The following DSCAM variants were observed in gnomAD, a reference collection of about 807,000 sequenced individuals.
DSCAM encodes the protein cell adhesion molecule DSCAM.
Under a neutral mutation model 217.7 loss-of-function variants are expected in DSCAM, and 47 were observed. The observed-to-expected ratio is 0.22, with a 90% CI of 0.17 to 0.28. The LOEUF (loss-of-function observed/expected upper bound fraction) is 0.28. Among genes scored for constraint, DSCAM ranks in the 10% least tolerant of loss-of-function variants. The pLI is 1.00. For synonymous variants in DSCAM, 1,056 were observed against 1,015.3 expected, an observed-to-expected ratio of 1.04 and a Z score of -0.76; for missense variants, 2,080 against 2,618.3, an observed-to-expected ratio of 0.79 and a Z score of 4.49.
At chr21:40,558,028 CT>C (rs1762372107) in intron 3 of DSCAM, among the ~76,000 whole-genome samples, 1 of 141,110 alleles carries the variant, frequency 7.1e-6, no homozygotes, top group Admixed American at 7.6e-5. Context: ...TTCAAAAGAC[CT>C]TGTATATTTG....
intron 8 of DSCAM, among the ~76,000 whole-genome samples, chr21:40,323,104 G>C (rs1281158267): frequency 6.6e-6 from 1 of 152,098 alleles, no homozygotes; most frequent in Non-Finnish European, 1.5e-5. Context: ...CCCAAACTCA[G>C]GACAACCCTG....
intron 10 of DSCAM, among the ~76,000 whole-genome samples, chr21:40,291,752 T>C (rs564599636): frequency 2.0e-5 from 3 of 152,286 alleles, no homozygotes; most frequent in Admixed American, 6.5e-5. Context: ...CTACTCCCCA[T>C]TGTCCTCCAG....
chr21:40,836,570 A>G (rs1341429091), intron 1 of DSCAM, among the ~76,000 whole-genome samples: 2 of 152,112 alleles, frequency 1.3e-5, no homozygotes, highest in Admixed American at 6.5e-5. Context: ...ATAAATTACT[A>G]CCCAATACAG....
At chr21:40,723,279 C>T in intron 1 of DSCAM, among the ~76,000 whole-genome samples, 1 of 152,020 alleles carries the variant, frequency 6.6e-6, no homozygotes, top group East Asian at 1.9e-4. Context: ...GTCCCCAATC[C>T]CCTTCCAACT....
intron 3 of DSCAM, among the ~76,000 whole-genome samples, chr21:40,460,206 T>C (rs2075795426): frequency 6.6e-6 from 1 of 152,192 alleles, no homozygotes; most frequent in Admixed American, 6.5e-5. Flanking sequence ...GGTTGATAGG[T>C]GCAGCAAACC....
At position 40,075,162 on chromosome 21, in the gene DSCAM, G is replaced by T. The variant is rs145500496; in HGVS notation, c.4763C>A (p.Thr1588Lys). Reference sequence around the variant, plus strand: ...CAGCATCTTGAGCCCCTCGTTGGTCGTCAGCCCTTCTTCGTTTTGGACAAC... The same window carrying T: ...CAGCATCTTGAGCCCCTCGTTGGTCTTCAGCCCTTCTTCGTTTTGGACAAC... ...KSVVQNEEGL[T>K]TNEGLKMLVT... Residue 1588 changes from threonine to lysine, a missense_variant, in exon 27 of 33, where the codon ACG (threonine) becomes AAG (lysine). Transcript: ENST00000400454. The T allele has an allele frequency of 1.4e-5, 23 of 1,614,196 alleles. No homozygotes were observed. The highest frequency in any genetic ancestry group is 1.9e-5 in the Non-Finnish European group (23 of 1,180,024).
At chr21:40,780,423 G>GTGTGTGTGTGTATATATATATA (rs1007015659) in intron 1 of DSCAM, among the ~76,000 whole-genome samples, 2 of 56,418 alleles carry the variant, frequency 3.5e-5, no homozygotes, top group African/African-American at 1.5e-4. Flanking sequence ...GTGTGTGTGT[G>GTGTGTGTGTGTATATATATATA]TATATATATA....
chr21:40,196,087 G>A (rs1395304976), intron 11 of DSCAM, among the ~76,000 whole-genome samples: 1 of 152,236 alleles, frequency 6.6e-6, no homozygotes, highest in Non-Finnish European at 1.5e-5. Context: ...CCTGGATTCT[G>A]CAGCTCAGGG....
intron 3 of DSCAM, among the ~76,000 whole-genome samples, chr21:40,578,298 G>A (rs1295723826): frequency 6.6e-6 from 1 of 152,194 alleles, no homozygotes; most frequent in Non-Finnish European, 1.5e-5. Flanking sequence ...AGTCAGTTGG[G>A]CTTCTGGGTA....
At chr21:40,804,433 G>C (rs2091768653) in intron 1 of DSCAM, among the ~76,000 whole-genome samples, 1 of 152,040 alleles carries the variant, frequency 6.6e-6, no homozygotes, top group Non-Finnish European at 1.5e-5. Context: ...CACTGACTCT[G>C]GTCATCATTT....
intron 9 of DSCAM, among the ~76,000 whole-genome samples, chr21:40,303,424 A>C (rs962364238): frequency 6.6e-6 from 1 of 151,994 alleles, no homozygotes. Context: ...CTGCTCAAAG[A>C]TCTCTCCAGA....
At chr21:40,579,041 T>G (rs1004841304) in intron 3 of DSCAM, among the ~76,000 whole-genome samples, 1 of 152,162 alleles carries the variant, frequency 6.6e-6, no homozygotes, top group Non-Finnish European at 1.5e-5. Flanking sequence ...AGATGCACAT[T>G]AGCACATTTG....
chr21:40,094,735 C>G (rs973722428), intron 20 of DSCAM, among the ~76,000 whole-genome samples: 24 of 152,170 alleles, frequency 1.6e-4, no homozygotes, highest in Admixed American at 9.2e-4. Flanking sequence ...GAATACCACT[C>G]CAGTCTTTCC....
intron 3 of DSCAM, among the ~76,000 whole-genome samples, chr21:40,483,293 C>T (rs929490026): frequency 2.6e-5 from 4 of 152,150 alleles, no homozygotes; most frequent in East Asian, 1.9e-4. Flanking sequence ...CATTTCATGT[C>T]GAATCTATTT....
intron 3 of DSCAM, among the ~76,000 whole-genome samples, chr21:40,429,104 C>T (rs1339708146): frequency 6.6e-6 from 1 of 151,984 alleles, no homozygotes; most frequent in East Asian, 1.9e-4. Context: ...AAGTTGTATC[C>T]AAATTTTCAA....
intron 4 of DSCAM, among the ~76,000 whole-genome samples, chr21:40,357,159 TAA>T (rs1160197738): frequency 6.6e-6 from 1 of 152,150 alleles, no homozygotes; most frequent in Non-Finnish European, 1.5e-5. Context: ...AAGAGAGATA[TAA>T]AAGTTTCACA....
At chr21:40,512,552 G>C (rs2076267904) in intron 3 of DSCAM, among the ~76,000 whole-genome samples, 1 of 152,118 alleles carries the variant, frequency 6.6e-6, no homozygotes, top group African/African-American at 2.4e-5. Context: ...GCATTGTTCT[G>C]TCTCCATCTA....
chr21:40,423,687 C>T (rs1208255851), intron 3 of DSCAM, among the ~76,000 whole-genome samples: 1 of 152,110 alleles, frequency 6.6e-6, no homozygotes, highest in African/African-American at 2.4e-5. Context: ...ACCCCTTGGT[C>T]GAATTCTTTC....
At chr21:40,048,209 C>A (rs370195320) in intron 30 of DSCAM, among the ~76,000 whole-genome samples, 1 of 152,330 alleles carries the variant, frequency 6.6e-6, no homozygotes, top group Admixed American at 6.5e-5. Context: ...CCAAGTGCTC[C>A]GGGCACATGG....
Sources: allele counts gnomAD v4.1 joint callset (sites outside exome capture counted in the v4.1 genomes callset), GRCh38; gene constraint gnomAD v4.1.1; transcripts MANE v1.5; gene names NCBI Gene and HGNC (gene_info 2026-07-23, HGNC 2026-07-21).